Variants in ASTN2 observed in about 807,000 individuals in gnomAD.
ASTN2 encodes the protein astrotactin-2.
ASTN2 carries 54 observed loss-of-function variants against 139.8 expected under a neutral mutation model. That is an observed-to-expected ratio of 0.39 (90% confidence interval 0.31 to 0.48). The LOEUF (loss-of-function observed/expected upper bound fraction) is 0.48, where lower values mean the gene tolerates loss of function less well. ASTN2 is among the 20% of genes least tolerant of loss of function. ASTN2 has a pLI of 0.95. For synonymous variants in ASTN2, 756 were observed against 719.5 expected (o/e 1.05, Z -0.81); for missense variants, 1,565 against 1,725.1 (o/e 0.91, Z 1.64).
At chr9:116,759,415 G>T (rs1343056319) in intron 13 of ASTN2, among the ~76,000 whole-genome samples, 5 of 152,080 alleles carry the variant, frequency 3.3e-5, no homozygotes, top group Non-Finnish European at 5.9e-5. Flanking sequence ...ACCTATGAGG[G>T]CTCTGAGATT....
At chr9:117,057,549 CT>C (rs1839097742) in intron 5 of ASTN2, among the ~76,000 whole-genome samples, 1 of 152,184 alleles carries the variant, frequency 6.6e-6, no homozygotes, top group African/African-American at 2.4e-5. Flanking sequence ...AGAAACCCTA[CT>C]AAATTTTATA....
At position 116,434,651 on chromosome 9, in the gene ASTN2, T is replaced by C. The variant is rs958847412; in HGVS notation, c.3782+5958A>G. 4.6e-5 allele frequency among the ~76,000 whole-genome samples: 7 copies of C among 152,172 alleles called. 1 individual carries two copies. Among genetic ancestry groups the C allele is most frequent in the African/African-American group, 9.7e-5 (4 of 41,438 alleles). On this transcript the variant is annotated intron_variant, in intron 22 of 22. Transcript: ENST00000313400. ...TCTCTACCAATATGCTCAAACATAA[T>C]TGAAAGTGTAGAGAAGCCCAAGAGT...
chr9:117,393,413 A>G (rs1326956837), intron 1 of ASTN2, among the ~76,000 whole-genome samples: 2 of 152,166 alleles, frequency 1.3e-5, no homozygotes, highest in Non-Finnish European at 2.9e-5. Context: ...AAGAGACATT[A>G]AAAGTAAATA....
Position 116,425,912 on chromosome 9 carries a change from G to C in ASTN2, c.3959C>G (p.Thr1320Arg). The change falls in exon 23 of 23, where the codon ACG becomes AGG. Residue 1320 changes from threonine to arginine, a missense_variant. Thr to Arg is a moderately conservative substitution (Grantham distance 71). Transcript: ENST00000313400. ...CATTGACACCATCTTCTCCTCACACGTGATTTTGGTGTCCTTGAGGATGCT... is the reference window on the plus strand; with the variant it reads ...CATTGACACCATCTTCTCCTCACACCTGATTTTGGTGTCCTTGAGGATGCT... ...WYSILKDTKI[T>R]CEEKMVSMAR... is the part of the protein sequence containing the mutation. The C allele has an allele frequency of 1.2e-6, 2 of 1,614,106 alleles. No individual in the cohort carries two copies. The highest frequency in any genetic ancestry group is 1.7e-6 in the Non-Finnish European group (2 of 1,180,024).
At chr9:117,193,639 C>CAAAAAAAAAAAA (rs61700943) in intron 3 of ASTN2, among the ~76,000 whole-genome samples, 3 of 106,062 alleles carry the variant, frequency 2.8e-5, no homozygotes, top group Non-Finnish European at 5.4e-5. Flanking sequence ...ATTCAGTCAC[C>CAAAAAAAAAAAA]AAAAAAAAAA....
chr9:117,382,762 G>A (rs1830304405), intron 1 of ASTN2, among the ~76,000 whole-genome samples: 1 of 152,182 alleles, frequency 6.6e-6, no homozygotes. Flanking sequence ...ACAGAGAGAG[G>A]CAGTGGTGGG....
At chr9:116,694,362 A>G (rs1196128161) in intron 16 of ASTN2, among the ~76,000 whole-genome samples, 2 of 152,004 alleles carry the variant, frequency 1.3e-5, no homozygotes, top group Admixed American at 1.3e-4. Context: ...TCAAACTCCA[A>G]ATGTCCTCAG....
intron 1 of ASTN2, among the ~76,000 whole-genome samples, chr9:117,389,005 TTAAC>T (rs1198984690): frequency 2.6e-5 from 4 of 152,194 alleles, no homozygotes; most frequent in Admixed American, 6.5e-5. Context: ...AGATGAATGT[TTAAC>T]TAATCCTTAC....
intron 6 of ASTN2, among the ~76,000 whole-genome samples, chr9:117,009,015 G>A (rs190334561): frequency 6.6e-6 from 1 of 152,266 alleles, no homozygotes; most frequent in Non-Finnish European, 1.5e-5. Flanking sequence ...ATGCCCTGAT[G>A]TGGCAAAACA....
intron 2 of ASTN2, among the ~76,000 whole-genome samples, chr9:117,248,596 G>A (rs928316225): frequency 1.3e-5 from 2 of 152,174 alleles, no homozygotes; most frequent in Non-Finnish European, 2.9e-5. Flanking sequence ...TGTGCTCAGT[G>A]ACTAGGCTGG....
intron 1 of ASTN2, among the ~76,000 whole-genome samples, chr9:117,313,388 G>A (rs1473035286): frequency 6.6e-6 from 1 of 152,166 alleles, no homozygotes; most frequent in Non-Finnish European, 1.5e-5. Context: ...GGGCCTCAGG[G>A]TGGTCAGGTG....
chr9:117,117,704 T>C (rs1272780887), intron 4 of ASTN2, among the ~76,000 whole-genome samples: 1 of 152,242 alleles, frequency 6.6e-6, no homozygotes, highest in Non-Finnish European at 1.5e-5. Context: ...ATTAGCCTGT[T>C]AATCTCAAAC....
chr9:116,474,249 T>G (rs1313123669), intron 20 of ASTN2, among the ~76,000 whole-genome samples: 1 of 151,872 alleles, frequency 6.6e-6, no homozygotes, highest in Non-Finnish European at 1.5e-5. Context: ...AGGTGAAGAG[T>G]CCTGGTTCAG....
At chr9:116,835,717 G>T (rs1010856526) in intron 11 of ASTN2, among the ~76,000 whole-genome samples, 3 of 152,180 alleles carry the variant, frequency 2.0e-5, no homozygotes, top group African/African-American at 7.2e-5. Context: ...GTCACAGGCC[G>T]TGGTCACTCA....
chr9:117,133,257 G>A (rs564379328), intron 4 of ASTN2, among the ~76,000 whole-genome samples: 5 of 152,266 alleles, frequency 3.3e-5, no homozygotes, highest in East Asian at 1.9e-4. Context: ...TACAGCCTGC[G>A]GAGCACTTTA....
At chr9:116,847,022 A>AAC in intron 11 of ASTN2, among the ~76,000 whole-genome samples, 1 of 120,702 alleles carries the variant, frequency 8.3e-6, no homozygotes, top group African/African-American at 3.6e-5. Context: ...AAAAAAAAAA[A>AAC]AAAACAAAAA....
intron 19 of ASTN2, among the ~76,000 whole-genome samples, chr9:116,571,309 A>G (rs189766298): frequency 6.6e-6 from 1 of 152,330 alleles, no homozygotes; most frequent in Admixed American, 6.5e-5. Flanking sequence ...GAGGGGAAAG[A>G]GACCAAGCTG....
intron 3 of ASTN2, among the ~76,000 whole-genome samples, chr9:117,151,739 A>G (rs1316361341): frequency 6.6e-6 from 1 of 152,136 alleles, no homozygotes; most frequent in Non-Finnish European, 1.5e-5. Flanking sequence ...AGAAAGTTCC[A>G]CACACTTTGG....
chr9:116,660,168 G>GCACACACACACACACACA (rs3041004), intron 16 of ASTN2, among the ~76,000 whole-genome samples: 1 of 146,576 alleles, frequency 6.8e-6, no homozygotes, highest in Admixed American at 6.8e-5. Flanking sequence ...TATTGCAAGC[G>GCACACACACACACACACA]CACACACACA....
Sources: gnomAD v4.1 joint callset for allele counts (sites outside exome capture counted in the v4.1 genomes callset) on GRCh38, gnomAD v4.1.1 for gene constraint, MANE v1.5 for transcripts, NCBI Gene and HGNC (gene_info 2026-07-23, HGNC 2026-07-21) for gene names.